The following CFAP221 variants were observed in gnomAD, a reference collection of about 807,000 sequenced individuals.
The protein encoded by CFAP221 is cilia and flagella associated protein 221, also known as cilia- and flagella-associated protein 221.
In CFAP221, 97 loss-of-function variants were observed where a neutral mutation model predicts 113.1. The observed-to-expected ratio is 0.86, with a 90% CI of 0.73 to 1.02. CFAP221 has a LOEUF of 1.02. Among genes scored for constraint, CFAP221 ranks in the 50% least tolerant of loss-of-function variants. The pLI is 0.00. For synonymous variants in CFAP221, 331 were observed against 354.4 expected (o/e 0.93, Z 0.74); for missense variants, 1,025 against 1,013.4 (o/e 1.01, Z -0.16).
chr2:119,633,763 A>G (rs1280607126), intron 19 of CFAP221, among the ~76,000 whole-genome samples: 1 of 152,212 alleles, frequency 6.6e-6, no homozygotes, highest in East Asian at 1.9e-4. Flanking sequence ...AATGAAAGCC[A>G]CAATGAGATA....
At chr2:119,609,251 C>T (rs1261998971) in intron 12 of CFAP221, among the ~76,000 whole-genome samples, 1 of 152,092 alleles carries the variant, frequency 6.6e-6, no homozygotes, top group Non-Finnish European at 1.5e-5. Context: ...TACACATGGG[C>T]CAGAGGAGAC....
At chr2:119,589,704 T>TA (rs1278997764) in intron 7 of CFAP221, 1 of 152,222 alleles carries the variant, frequency 6.6e-6, no homozygotes, top group Non-Finnish European at 1.5e-5. Flanking sequence ...ATTCTATTTA[T>TA]AAGGTATGCC....
intron 7 of CFAP221, among the ~76,000 whole-genome samples, chr2:119,591,580 C>T (rs925846032): frequency 4.6e-5 from 7 of 152,254 alleles, no homozygotes; most frequent in African/African-American, 1.7e-4. Flanking sequence ...TCCAAGAGGA[C>T]CATTTGATGG....
At chr2:119,572,769 G>A (rs1310089660) in intron 6 of CFAP221, 1 of 544,616 alleles carries the variant, frequency 1.8e-6, no homozygotes. Context: ...GTAAAATGAT[G>A]CCATGGGCAA....
rs149313770 is a variant in CFAP221, at chr2:119,648,696, A to G, written c.2318+1646A>G. 830 of 154,836 alleles carry G rather than the reference A, an allele frequency of 5.4e-3. 3 individuals carry two copies. Among genetic ancestry groups the G allele is most frequent in the Middle Eastern group, 0.022 (43 of 1,928 alleles). 9.6% of individuals were successfully genotyped at this position (154,836 alleles called of 1,614,324 possible). ...TTATAACTCAGTATAAAATCACCAG[A>G]GCGTTTTTAGAGTTCAGGCTTGAGG... On this transcript the variant is annotated intron_variant, in intron 22 of 23. Transcript: ENST00000413369.
intron 5 of CFAP221, 123 bp from the exon 6 acceptor site, chr2:119,561,891 T>A (rs935722830): frequency 9.7e-6 from 7 of 723,124 alleles, no homozygotes; most frequent in Non-Finnish European, 1.6e-5. Context: ...AGTTAAGCGC[T>A]GAAGTTTCTT....
chr2:119,645,599 G>T (rs1291784173), intron 21 of CFAP221, among the ~76,000 whole-genome samples: 3 of 151,058 alleles, frequency 2.0e-5, no homozygotes, highest in Non-Finnish European at 4.4e-5. Flanking sequence ...TTTTTTTTCA[G>T]CCAGTCTTCA....
At chr2:119,551,905 C>T (rs1680458794) in intron 3 of CFAP221, among the ~76,000 whole-genome samples, 1 of 152,120 alleles carries the variant, frequency 6.6e-6, no homozygotes, top group African/African-American at 2.4e-5. Context: ...TAACTTTTGT[C>T]ACTAGCCCTA....
intron 6 of CFAP221, among the ~76,000 whole-genome samples, chr2:119,568,500 C>T (rs1330137578): frequency 2.0e-5 from 3 of 152,104 alleles, no homozygotes; most frequent in East Asian, 3.9e-4. Flanking sequence ...TGCCCCCCAC[C>T]TCCCGACAGG....
chr2:119,554,064 G>A (rs771080870), intron 3 of CFAP221, among the ~76,000 whole-genome samples: 5 of 152,316 alleles, frequency 3.3e-5, no homozygotes, highest in Middle Eastern at 3.4e-3. Context: ...CGGAAATCTT[G>A]GGAGAGCCAG....
chr2:119,555,763 C>G (rs192724768), intron 3 of CFAP221, among the ~76,000 whole-genome samples: 4 of 152,300 alleles, frequency 2.6e-5, no homozygotes, highest in Admixed American at 2.6e-4. Flanking sequence ...GTGGCATGGA[C>G]AGTACCAGGT....
intron 6 of CFAP221, among the ~76,000 whole-genome samples, chr2:119,571,372 T>C (rs1682042408): frequency 1.3e-5 from 2 of 151,996 alleles, no homozygotes; most frequent in Non-Finnish European, 2.9e-5. Flanking sequence ...ATTCCTGACC[T>C]CAGGTGATCC....
At chr2:119,621,683 A>G (rs1386641877) in intron 14 of CFAP221, among the ~76,000 whole-genome samples, 1 of 152,218 alleles carries the variant, frequency 6.6e-6, no homozygotes, top group Non-Finnish European at 1.5e-5. Context: ...AGAAATCATA[A>G]GAGTCTCTCA....
chr2:119,567,093 C>T (rs1399148203), intron 6 of CFAP221, among the ~76,000 whole-genome samples: 3 of 152,180 alleles, frequency 2.0e-5, no homozygotes, highest in Admixed American at 6.5e-5. Context: ...CACCCAAGTG[C>T]CGTATTTGTT....
intron 7 of CFAP221, among the ~76,000 whole-genome samples, chr2:119,594,269 C>T (rs1683800577): frequency 6.6e-6 from 1 of 151,690 alleles, no homozygotes; most frequent in Admixed American, 6.6e-5. Flanking sequence ...CAGAGTCTTG[C>T]TCTGTTGCCA....
intron 21 of CFAP221, among the ~76,000 whole-genome samples, chr2:119,641,563 C>T (rs934520332): frequency 6.6e-6 from 1 of 152,164 alleles, no homozygotes; most frequent in African/African-American, 2.4e-5. Flanking sequence ...TGAAGCCCTT[C>T]GAGCAATAAT....
chr2:119,625,904 G>T, intron 15 of CFAP221: 1 of 537,472 alleles, frequency 1.9e-6, no homozygotes, highest in Non-Finnish European at 3.3e-6. Flanking sequence ...TGATTGACTG[G>T]CTGAATATGG....
chr2:119,583,733 G>A (rs943773485), intron 6 of CFAP221, among the ~76,000 whole-genome samples: 3 of 152,218 alleles, frequency 2.0e-5, no homozygotes, highest in African/African-American at 7.2e-5. Context: ...AGGAGGTGGG[G>A]CCTTTGGGAG....
intron 19 of CFAP221, among the ~76,000 whole-genome samples, chr2:119,632,454 A>G (rs748891333): frequency 2.0e-5 from 3 of 152,166 alleles, no homozygotes; most frequent in African/African-American, 4.8e-5. Context: ...GATGAACACT[A>G]TCAGCAAGTG....
Sources: allele counts gnomAD v4.1 joint callset (sites outside exome capture counted in the v4.1 genomes callset), GRCh38; gene constraint gnomAD v4.1.1; transcripts MANE v1.5; gene names NCBI Gene and HGNC (gene_info 2026-07-23, HGNC 2026-07-21).